P2RX4: variants seen among roughly 807,000 people sequenced by gnomAD.
P2RX4 encodes P2X purinoceptor 4.
Under a neutral mutation model 48.0 loss-of-function variants are expected in P2RX4, and 37 were observed. The ratio of observed to expected loss-of-function variants is 0.77; its 90% CI spans 0.59 to 1.01. P2RX4 has a LOEUF of 1.01. Among genes scored for constraint, P2RX4 ranks in the 50% least tolerant of loss-of-function variants. The pLI is 0.00. For synonymous variants in P2RX4, 200 were observed against 199.7 expected, an observed-to-expected ratio of 1.00 and a Z score of -0.01; for missense variants, 501 against 521.4, an observed-to-expected ratio of 0.96 and a Z score of 0.38.
At chr12:121,231,708 T>TTTGTTG (rs372211683) in intron 8 of P2RX4, among the ~76,000 whole-genome samples, 12 of 152,154 alleles carry the variant, frequency 7.9e-5, no homozygotes, top group African/African-American at 2.2e-4. Context: ...AGTGGTTCTT[T>TTTGTTG]TTGTTGTTGT....
chr12:121,233,687 C>T lies in P2RX4; in HGVS notation c.*138C>T. 6.5e-7 allele frequency: 1 copy of T among 1,530,252 alleles called. No homozygotes were observed. 94.8% of individuals were successfully genotyped at this position (1,530,252 alleles called of 1,614,324 possible). A position where few individuals can be genotyped will look rare whatever the true frequency, so the allele number is the denominator to read the frequency against. ...CCACTCCACAAGCACTCAGGGTTCC[C>T]CAGCAGCTCCTGTGTGTTGTGTGCA... On this transcript the variant is annotated 3_prime_UTR_variant, in exon 12 of 12. Transcript: ENST00000337233.
chr12:121,226,061 C>T (rs1183794416), intron 5 of P2RX4, among the ~76,000 whole-genome samples: 2 of 151,364 alleles, frequency 1.3e-5, no homozygotes, highest in Non-Finnish European at 3.0e-5. Context: ...TTTGTAGAGA[C>T]AGGGTCTCAC....
chr12:121,220,302 C>T (rs891861305), intron 2 of P2RX4, among the ~76,000 whole-genome samples: 2 of 151,836 alleles, frequency 1.3e-5, no homozygotes, highest in African/African-American at 4.8e-5. Context: ...TTTGCAGACC[C>T]CCCCCTTTTT....
Position 121,233,972 on chromosome 12 carries a change from G to T in P2RX4, c.*423G>T. On this transcript the variant is annotated 3_prime_UTR_variant, in exon 12 of 12. Coordinates refer to ENST00000337233, the MANE Select transcript of P2RX4 (RefSeq NM_002560.3). ...GGAGGCCGCCTGGCTGCAGTCACTAGACTTGTAGCAGGCCTGGGCTGCAGG... is the reference window on the plus strand; with the variant it reads ...GGAGGCCGCCTGGCTGCAGTCACTATACTTGTAGCAGGCCTGGGCTGCAGG... 1 of 231,984 alleles carries T rather than the reference G, an allele frequency of 4.3e-6. No homozygotes were observed. Among genetic ancestry groups the T allele is most frequent in the Non-Finnish European group, 8.8e-6 (1 of 113,840 alleles). The allele number at this position is 231,984 out of a possible 1,614,324, so 14.4% of individuals were successfully genotyped here.
intron 8 of P2RX4, among the ~76,000 whole-genome samples, chr12:121,231,132 C>G (rs964837190): frequency 6.6e-6 from 1 of 151,732 alleles, no homozygotes; most frequent in South Asian, 2.1e-4. Flanking sequence ...GGATTACAGG[C>G]GCCCGCCACC....
At chr12:121,217,324 C>G (rs908390633) in intron 2 of P2RX4, 43 bp downstream of exon 2, 7 of 1,594,494 alleles carry the variant, frequency 4.4e-6, no homozygotes, top group Non-Finnish European at 6.0e-6. Context: ...TGACACCTTG[C>G]TCTTTACTGA....
chr12:121,232,630 T>G lies in P2RX4; in HGVS notation c.998T>G (p.Ile333Ser), dbSNP rs1887444323. The G allele has an allele frequency of 3.7e-6, 6 of 1,613,910 alleles. No individual in the cohort carries two copies. Among genetic ancestry groups the G allele is most frequent in the African/African-American group, 1.3e-5 (1 of 74,894 alleles). The change falls in exon 10 of 12, where the codon ATC becomes AGC. Residue 333 changes from isoleucine (I) to serine (S), a missense_variant. By Grantham distance (142) the Ile-to-Ser change is moderately radical. Transcript: ENST00000337233. This position sits in a 1 kb window ranked among gnomAD's most constrained non-coding sequence, Gnocchi z 4.3. ...TGGCAGGCAGGGAAATTTGACATCA[T>G]CCCCACTATGATCAACATCGGCTCT... ...VFGKAGKFDI[I>S]PTMINIGSGL...
rs778143078 is a variant in P2RX4 at position 121,229,147 on chromosome 12, G to A, written c.884+48G>A. ...CGCTCATGTTGTAGGGGGTGCTGGT[G>A]GCTGCGTACGTGCCAGTGGGCCGCC... On this transcript the variant is annotated intron_variant, in intron 8 of 11. Coordinates refer to ENST00000337233, the MANE Select transcript of P2RX4 (RefSeq NM_002560.3). This position sits in a 1 kb window ranked among gnomAD's most constrained non-coding sequence, Gnocchi z 4.6. The A allele has an allele frequency of 6.8e-6, 11 of 1,611,626 alleles. No individual in the cohort carries two copies. Among genetic ancestry groups the A allele is most frequent in the Non-Finnish European group, 8.5e-6 (10 of 1,178,312 alleles).
chr12:121,223,111 T>C lies in P2RX4; in HGVS notation c.524+68T>C, dbSNP rs868562791. On this transcript the variant is annotated intron_variant, in intron 5 of 11. Transcript: ENST00000337233. ...TTGTTTTAGACACAGTTTCACTCTG[T>C]ATCCCAGGTTGGAGTGCAGTGGTGC... The C allele has an allele frequency of 3.6e-5, 36 of 1,009,852 alleles. No homozygotes were observed. In the Admixed American group the frequency reaches 5.7e-4, roughly 16 times the overall value. 62.6% of individuals were successfully genotyped at this position (1,009,852 alleles called of 1,614,324 possible). A position where few individuals can be genotyped will look rare whatever the true frequency, so the allele number is the denominator to read the frequency against.
intron 2 of P2RX4, among the ~76,000 whole-genome samples, chr12:121,219,643 AGATAGATAGATAGATG>A (rs1886463142): frequency 7.2e-6 from 1 of 138,202 alleles, no homozygotes; most frequent in Non-Finnish European, 1.6e-5. Context: ...ATAGATAGAT[AGATAGATAGATAGATG>A]GAAAGAAAGA....
chr12:121,218,555 C>T (rs188421170), intron 2 of P2RX4, among the ~76,000 whole-genome samples: 31 of 152,238 alleles, frequency 2.0e-4, no homozygotes, highest in African/African-American at 7.2e-4. Context: ...ATGTACCTGT[C>T]TCAGCAGAGA....
chr12:121,210,301 G>A lies in P2RX4; in HGVS notation c.134+3G>A. 6.5e-7 allele frequency: 1 copy of A among 1,535,356 alleles called. No individual in the cohort carries two copies. The highest frequency in any genetic ancestry group is 2.7e-5 in the East Asian group (1 of 36,464). On this transcript the variant is annotated splice_donor_region_variant and intron_variant, in intron 1 of 11. Coordinates refer to ENST00000337233, the MANE Select transcript of P2RX4 (RefSeq NM_002560.3). Reference sequence around the variant, plus strand: ...CTCATCCTGGCCTACGTCATCGGGTGAGCGTGGGGCCGCGCGGGGGGCGCG... The same window carrying A: ...CTCATCCTGGCCTACGTCATCGGGTAAGCGTGGGGCCGCGCGGGGGGCGCG...
intron 5 of P2RX4, among the ~76,000 whole-genome samples, chr12:121,226,338 G>T (rs1886973436): frequency 6.6e-6 from 1 of 151,852 alleles, no homozygotes; most frequent in Non-Finnish European, 1.5e-5. Context: ...GAGGCCAGGA[G>T]TTCAAAACCA....
At position 121,229,047 on chromosome 12, in the gene P2RX4, C is replaced by T. The variant is rs760355920; in HGVS notation, c.832C>T (p.Arg278Cys). 9 of 1,614,010 alleles carry T rather than the reference C, an allele frequency of 5.6e-6. No homozygotes were observed. The highest frequency in any genetic ancestry group is 2.2e-5 in the East Asian group (1 of 44,884). ...CTGCTTGCCCAGGTACTCCTTCCGC[C>T]GCCTCGATACACGGGACGTTGAGCA... ...SLCLPRYSFR[R>C]LDTRDVEHNV... Residue 278 changes from arginine (R) to cysteine (C), a missense_variant, in exon 8 of 12, where the codon CGC becomes TGC. Coordinates refer to ENST00000337233, the MANE Select transcript of P2RX4 (RefSeq NM_002560.3). The surrounding 1 kb of genome is among the most constrained non-coding windows in gnomAD (Gnocchi z 4.6).
At chr12:121,228,922 G>A (rs773079250) in intron 7 of P2RX4, 41 bp from the exon 8 acceptor site, 4 of 1,613,960 alleles carry the variant, frequency 2.5e-6, no homozygotes, top group Non-Finnish European at 3.4e-6. Flanking sequence ...CGTGCCAGGT[G>A]CTGAGGAAAG....
At chr12:121,225,775 G>A (rs1321029536) in intron 5 of P2RX4, among the ~76,000 whole-genome samples, 2 of 152,188 alleles carry the variant, frequency 1.3e-5, no homozygotes, top group African/African-American at 2.4e-5. Context: ...TTGGTTACAT[G>A]TTGAAGTAAT....
intron 1 of P2RX4, chr12:121,215,923 G>T (rs1262293711): frequency 1.3e-5 from 2 of 152,146 alleles, no homozygotes; most frequent in Admixed American, 1.3e-4. Flanking sequence ...ATTCTTGGGG[G>T]AAAAGTAAGA....
At chr12:121,228,939 C>G (rs1332430953) in intron 7 of P2RX4, 24 bp from the exon 8 acceptor site, 1 of 1,614,060 alleles carries the variant, frequency 6.2e-7, no homozygotes, top group Non-Finnish European at 8.5e-7. Flanking sequence ...AAAGCCTTGC[C>G]GTGTCTCTGC....
rs1016475666 is a variant in P2RX4, at chr12:121,210,250, G to C, written c.86G>C (p.Gly29Ala). Reference protein sequence around the residue: ...RIVLIRSRKVGLMNRAVQLLI... With the variant: ...RIVLIRSRKVALMNRAVQLLI... ...GTGCTCATCCGCAGCCGCAAAGTGG[G>C]GCTCATGAACCGCGCCGTGCAACTG... The change falls in exon 1 of 12, where the codon GGG becomes GCG. Residue 29 changes from glycine (G) to alanine (A), a missense_variant. Around this residue, in one of 3 missense-constraint regions of P2RX4, gnomAD observed 295 missense variants for 275.3 expected, o/e 1.07. Transcript: ENST00000337233. 6.4e-7 allele frequency: 1 copy of C among 1,562,806 alleles called. No individual in the cohort carries two copies. Among genetic ancestry groups the C allele is most frequent in the South Asian group, 1.2e-5 (1 of 85,476 alleles).
Sources: gnomAD v4.1 joint callset for allele counts (sites outside exome capture counted in the v4.1 genomes callset) on GRCh38, gnomAD v4.1.1 for gene constraint, gnomAD v4.1.1 regional missense constraint, Gnocchi (gnomAD v3.1) non-coding constraint, MANE v1.5 for transcripts, NCBI Gene and HGNC (gene_info 2026-07-23, HGNC 2026-07-21) for gene names.